BMAL2: variants seen among roughly 807,000 people sequenced by gnomAD.
BMAL2 encodes the protein basic helix-loop-helix ARNT-like protein 2.
chr12:27,400,428 A>G, the BMAL2 span: 1 of 964,878 alleles, frequency 1.0e-6, no homozygotes, highest in Non-Finnish European at 1.4e-6. Context: ...AGCATATTTA[A>G]AGAGCATTTT....
the BMAL2 span, among the ~76,000 whole-genome samples, chr12:27,385,144 T>G: frequency 3.9e-5 from 6 of 152,080 alleles, no homozygotes; most frequent in Non-Finnish European, 8.8e-5. Context: ...TGAAAACTTG[T>G]CTCTAATAAA....
chr12:27,360,064 A>T, the BMAL2 span, among the ~76,000 whole-genome samples: 5 of 132,192 alleles, frequency 3.8e-5, no homozygotes, highest in Non-Finnish European at 5.5e-5. Context: ...AAAAAAAAAA[A>T]AAAAAAAAGT....
chr12:27,405,480 G>A, the BMAL2 span, among the ~76,000 whole-genome samples: 1 of 152,210 alleles, frequency 6.6e-6, no homozygotes, highest in African/African-American at 2.4e-5. Flanking sequence ...TGATACCCAG[G>A]CAAACAAGGT....
the BMAL2 span, among the ~76,000 whole-genome samples, chr12:27,343,191 A>C: frequency 1.2e-4 from 18 of 152,246 alleles, no homozygotes; most frequent in Non-Finnish European, 2.5e-4. Context: ...TTTAAAGTCT[A>C]TATTGTGTTT....
chr12:27,338,739 A>G, the BMAL2 span, among the ~76,000 whole-genome samples: 2 of 152,330 alleles, frequency 1.3e-5, no homozygotes, highest in South Asian at 2.1e-4. Context: ...GGAAAGATAC[A>G]TGCATCTTCT....
the BMAL2 span, among the ~76,000 whole-genome samples, chr12:27,419,916 A>G: frequency 6.6e-6 from 1 of 152,098 alleles, no homozygotes; most frequent in African/African-American, 2.4e-5. Flanking sequence ...GAAAATTCCA[A>G]ATCTTTAGAA....
At chr12:27,337,361 A>G in the BMAL2 span, among the ~76,000 whole-genome samples, 1 of 152,334 alleles carries the variant, frequency 6.6e-6, no homozygotes, top group East Asian at 1.9e-4. Context: ...ATATTTTCCA[A>G]GCATATCACA....
At chr12:27,420,477 C>T in the BMAL2 span, 1 of 1,613,636 alleles carries the variant, frequency 6.2e-7, no homozygotes, top group Non-Finnish European at 8.5e-7. Flanking sequence ...TACTTAGAAG[C>T]AGAGGGGGGC....
chr12:27,355,813 A>G, the BMAL2 span, among the ~76,000 whole-genome samples: 1 of 152,208 alleles, frequency 6.6e-6, no homozygotes, highest in Non-Finnish European at 1.5e-5. Context: ...AATGAGCCTA[A>G]TGCATTTTAG....
chr12:27,368,928 C>T, the BMAL2 span, among the ~76,000 whole-genome samples: 19 of 152,306 alleles, frequency 1.2e-4, no homozygotes, highest in African/African-American at 4.6e-4. Flanking sequence ...CCTGCAGCTT[C>T]AGTCCTAAAT....
the BMAL2 span, among the ~76,000 whole-genome samples, chr12:27,351,491 G>A: frequency 6.6e-6 from 1 of 151,992 alleles, no homozygotes; most frequent in Non-Finnish European, 1.5e-5. Flanking sequence ...CCTTGAATGC[G>A]CTTTTCAAAT....
At chr12:27,377,526 G>A in the BMAL2 span, 1 of 152,144 alleles carries the variant, frequency 6.6e-6, no homozygotes, top group Non-Finnish European at 1.5e-5. Context: ...CATGCTGATG[G>A]GGAATACTGT....
chr12:27,382,584 C>T, the BMAL2 span, among the ~76,000 whole-genome samples: 1 of 152,202 alleles, frequency 6.6e-6, no homozygotes, highest in South Asian at 2.1e-4. Context: ...TGGTTAAGTA[C>T]TCATCCCCGC....
chr12:27,349,895 C>G, the BMAL2 span, among the ~76,000 whole-genome samples: 5 of 152,132 alleles, frequency 3.3e-5, no homozygotes, highest in Non-Finnish European at 7.4e-5. Flanking sequence ...CTGCTGCTGC[C>G]TTCTTGCCAT....
chr12:27,393,905 A>G, the BMAL2 span, among the ~76,000 whole-genome samples: 1 of 152,202 alleles, frequency 6.6e-6, no homozygotes. Flanking sequence ...CTGAATTAAT[A>G]ATAGTTTTTG....
the BMAL2 span, among the ~76,000 whole-genome samples, chr12:27,335,419 G>C: frequency 2.0e-5 from 3 of 152,160 alleles, no homozygotes; most frequent in Non-Finnish European, 4.4e-5. Context: ...AGATGGTCTG[G>C]GGTTGAGGCC....
At chr12:27,350,582 A>G in the BMAL2 span, among the ~76,000 whole-genome samples, 11 of 152,248 alleles carry the variant, frequency 7.2e-5, no homozygotes, top group Admixed American at 1.3e-4. Flanking sequence ...AGAAAACAAG[A>G]AGGGCTGTGT....
At chr12:27,361,330 C>T in the BMAL2 span, among the ~76,000 whole-genome samples, 3 of 152,106 alleles carry the variant, frequency 2.0e-5, no homozygotes, top group African/African-American at 7.2e-5. Flanking sequence ...ATTATCATCA[C>T]CAGGGAGACA....
the BMAL2 span, among the ~76,000 whole-genome samples, chr12:27,377,827 CTG>C: frequency 2.0e-5 from 3 of 152,128 alleles, no homozygotes; most frequent in African/African-American, 7.2e-5. Flanking sequence ...ACAATTTAAT[CTG>C]AATCCTATCC....
Sources: allele counts gnomAD v4.1 joint callset (sites outside exome capture counted in the v4.1 genomes callset), GRCh38; gene constraint gnomAD v4.1.1; transcripts MANE v1.5; gene names NCBI Gene and HGNC (gene_info 2026-07-23, HGNC 2026-07-21).